The following EPHB1 variants were observed in gnomAD, a reference collection of about 807,000 sequenced individuals.
EPHB1 encodes EPH receptor B1, also known as ephrin type-B receptor 1.
EPHB1 carries 30 observed loss-of-function variants against 94.4 expected under a neutral mutation model. The ratio of observed to expected loss-of-function variants is 0.32; its 90% confidence interval spans 0.24 to 0.43. The LOEUF (loss-of-function observed/expected upper bound fraction) is 0.43. EPHB1 is among the 20% of genes least tolerant of loss of function. The pLI, the probability that EPHB1 is intolerant of heterozygous loss-of-function variation, is 1.00. For synonymous variants in EPHB1, 522 were observed against 489.1 expected, an observed-to-expected ratio of 1.07 and a Z score of -0.89; for missense variants, 1,055 against 1,308.3, an observed-to-expected ratio of 0.81 and a Z score of 2.99.
intron 6 of EPHB1, among the ~76,000 whole-genome samples, chr3:135,160,294 A>T (rs1181872414): frequency 2.0e-5 from 3 of 152,216 alleles, no homozygotes; most frequent in African/African-American, 7.2e-5. Flanking sequence ...GTAGGCTTTT[A>T]TATATTTTAA....
intron 3 of EPHB1, among the ~76,000 whole-genome samples, chr3:135,070,175 AT>A (rs1937657460): frequency 6.6e-6 from 1 of 152,188 alleles, no homozygotes; most frequent in Non-Finnish European, 1.5e-5. Flanking sequence ...AATCCACGTT[AT>A]CCAACCTGAT....
chr3:135,021,609 C>T (rs192759336), intron 3 of EPHB1, among the ~76,000 whole-genome samples: 32 of 151,900 alleles, frequency 2.1e-4, no homozygotes, highest in African/African-American at 7.3e-4. Context: ...CTGTCCAAAG[C>T]GATGATTATT....
At chr3:134,914,920 C>T (rs966952819) in intron 1 of EPHB1, among the ~76,000 whole-genome samples, 4 of 152,098 alleles carry the variant, frequency 2.6e-5, no homozygotes, top group African/African-American at 9.7e-5. Context: ...CCTATAGGCT[C>T]CTGCTGGTGA....
intron 3 of EPHB1, among the ~76,000 whole-genome samples, chr3:135,022,597 T>C (rs1936023455): frequency 6.6e-6 from 1 of 152,214 alleles, no homozygotes; most frequent in African/African-American, 2.4e-5. Context: ...CACAATTTGA[T>C]AATTTACATT....
chr3:134,996,261 A>T (rs1934992327), intron 3 of EPHB1, among the ~76,000 whole-genome samples: 1 of 152,152 alleles, frequency 6.6e-6, no homozygotes, highest in Admixed American at 6.5e-5. Context: ...TGGTGCAATC[A>T]TGGCTCACTG....
chr3:135,132,656 G>A (rs2107687033), intron 4 of EPHB1, 58 bp from the exon 5 acceptor site: 1 of 1,449,466 alleles, frequency 6.9e-7, no homozygotes, highest in Non-Finnish European at 9.3e-7. Flanking sequence ...AGACAAGAGA[G>A]CTGCCGGACA....
chr3:135,025,346 T>G (rs1177639749), intron 3 of EPHB1, among the ~76,000 whole-genome samples: 1 of 97,494 alleles, frequency 1.0e-5, no homozygotes, highest in Non-Finnish European at 2.1e-5. Flanking sequence ...TATCTCCCAA[T>G]GCTATCCCTC....
intron 13 of EPHB1, among the ~76,000 whole-genome samples, chr3:135,244,044 G>A (rs1030610013): frequency 7.9e-5 from 12 of 152,116 alleles, no homozygotes; most frequent in South Asian, 2.1e-4. Flanking sequence ...GGGGGCAGCC[G>A]GGAGCAGGCC....
chr3:135,099,223 A>G (rs994597853), intron 3 of EPHB1, among the ~76,000 whole-genome samples: 16 of 151,662 alleles, frequency 1.1e-4, no homozygotes, highest in African/African-American at 3.9e-4. Context: ...AGTTTGTGCT[A>G]AGCGCTGGGG....
chr3:134,858,865 G>T (rs968687857), intron 1 of EPHB1, among the ~76,000 whole-genome samples: 1 of 152,156 alleles, frequency 6.6e-6, no homozygotes, highest in Non-Finnish European at 1.5e-5. Context: ...GTAGAGTCCC[G>T]CAGGGGCACT....
At chr3:135,123,543 A>T (rs761434098) in intron 4 of EPHB1, among the ~76,000 whole-genome samples, 1 of 152,062 alleles carries the variant, frequency 6.6e-6, no homozygotes, top group Non-Finnish European at 1.5e-5. Context: ...ACAGGAAGGC[A>T]ATGGGACAGG....
At chr3:134,977,106 A>G (rs767167802) in intron 3 of EPHB1, among the ~76,000 whole-genome samples, 1 of 152,216 alleles carries the variant, frequency 6.6e-6, no homozygotes, top group Non-Finnish European at 1.5e-5. Context: ...AGCTTAGCAG[A>G]ATGGTGGAGT....
chr3:134,810,276 A>AGAGTGTGT (rs1553852935), intron 1 of EPHB1, among the ~76,000 whole-genome samples: 4 of 145,792 alleles, frequency 2.7e-5, no homozygotes, highest in Non-Finnish European at 6.0e-5. Context: ...GCACAGGAGG[A>AGAGTGTGT]GTGTGTGTGT....
chr3:135,174,200 T>A (rs1941909524), intron 9 of EPHB1, among the ~76,000 whole-genome samples: 1 of 152,202 alleles, frequency 6.6e-6, no homozygotes, highest in African/African-American at 2.4e-5. Flanking sequence ...CCCCTGCTGA[T>A]GGAACCATTG....
intron 1 of EPHB1, among the ~76,000 whole-genome samples, chr3:134,899,953 G>C (rs1264981060): frequency 6.6e-6 from 1 of 152,222 alleles, no homozygotes; most frequent in Non-Finnish European, 1.5e-5. Flanking sequence ...CCAGAGATTT[G>C]TTCCAGGCTG....
At position 134,916,772 on chromosome 3, in the gene EPHB1, C is replaced by T. The variant is rs58466448; in HGVS notation, c.59-9044C>T. Among the ~76,000 whole-genome samples, 970 of 152,284 alleles carry T rather than the reference C, an allele frequency of 6.4e-3. 11 individuals are homozygous for T. Among genetic ancestry groups the T allele is most frequent in the African/African-American group, 0.021 (876 of 41,562 alleles). The stretch of plus-strand genomic sequence containing the variant: ...ACACCTCCCGGCAAGCCAAGGGATC[C>T]GGCTCCGGCCTCGGCCAGCCCAGAG... On this transcript the variant is annotated intron_variant, in intron 1 of 15. Transcript: ENST00000398015.
At chr3:134,798,488 C>A (rs1290688183) in intron 1 of EPHB1, among the ~76,000 whole-genome samples, 1 of 152,212 alleles carries the variant, frequency 6.6e-6, no homozygotes, top group African/African-American at 2.4e-5. Context: ...TTTCCCCCCA[C>A]ACTCCCGCAT....
At chr3:135,056,016 A>T (rs953583734) in intron 3 of EPHB1, among the ~76,000 whole-genome samples, 4 of 152,076 alleles carry the variant, frequency 2.6e-5, no homozygotes, top group Non-Finnish European at 4.4e-5. Context: ...CTCTTCCCTG[A>T]CTTCCTCCAT....
At chr3:134,922,391 G>T (rs946198800) in intron 1 of EPHB1, among the ~76,000 whole-genome samples, 12 of 152,162 alleles carry the variant, frequency 7.9e-5, no homozygotes, top group African/African-American at 2.7e-4. Flanking sequence ...TGGTTTTGTG[G>T]TCTTCTGTCT....
Sources: gnomAD v4.1 joint callset for allele counts (sites outside exome capture counted in the v4.1 genomes callset) on GRCh38, gnomAD v4.1.1 for gene constraint, MANE v1.5 for transcripts, NCBI Gene and HGNC (gene_info 2026-07-23, HGNC 2026-07-21) for gene names.